Variants in DNAH14 observed in about 807,000 individuals in gnomAD.
The protein encoded by DNAH14 is axonemal beta dynein heavy chain 14.
In DNAH14, 478 loss-of-function variants were observed where a neutral mutation model predicts 520.9. The ratio of observed to expected loss-of-function variants is 0.92; its 90% CI spans 0.85 to 0.99. The LOEUF (loss-of-function observed/expected upper bound fraction) is 0.99. Ranked by LOEUF, DNAH14 falls within the 50% of genes least tolerant of loss-of-function variation. The probability of loss-of-function intolerance (pLI) is 0.00; values close to 1 mark genes in which losing one functional copy is unlikely to be tolerated. For synonymous variants in DNAH14, 1,581 were observed against 1,757.2 expected (o/e 0.90, Z 2.51); for missense variants, 4,831 against 5,234.5 (o/e 0.92, Z 2.38).
intron 54 of DNAH14, among the ~76,000 whole-genome samples, chr1:225,279,738 T>C (rs1359012184): frequency 1.3e-5 from 2 of 152,002 alleles, no homozygotes; most frequent in African/African-American, 4.8e-5. Context: ...AAATGTTCAG[T>C]TTTTAACAAA....
chr1:225,265,506 A>G (rs1348820114), intron 48 of DNAH14, 137 bp downstream of exon 48: 41 of 662,198 alleles, frequency 6.2e-5, no homozygotes, highest in Non-Finnish European at 1.2e-5. Context: ...AATGTATAAC[A>G]GAAACTTTGA....
chr1:225,016,431 A>G (rs1444140184), intron 10 of DNAH14, among the ~76,000 whole-genome samples: 1 of 152,134 alleles, frequency 6.6e-6, no homozygotes, highest in African/African-American at 2.4e-5. Flanking sequence ...ATCTAATGGA[A>G]ATTCCCTTAT....
chr1:225,272,933 G>A (rs1341958836), intron 51 of DNAH14, 22 bp from the exon 52 acceptor site: 19 of 1,499,428 alleles, frequency 1.3e-5, no homozygotes, highest in Non-Finnish European at 1.7e-5. Flanking sequence ...TTAAAAAAAC[G>A]TTATTTTTAA....
At chr1:225,110,514 T>C (rs1476667666) in intron 23 of DNAH14, among the ~76,000 whole-genome samples, 3 of 152,056 alleles carry the variant, frequency 2.0e-5, no homozygotes, top group Non-Finnish European at 4.4e-5. Context: ...GTGGTACTGG[T>C]TGTCATGTCT....
At chr1:225,351,584 A>G in intron 71 of DNAH14, 63 bp from the exon 72 acceptor site, 1 of 1,206,282 alleles carries the variant, frequency 8.3e-7, no homozygotes, top group Non-Finnish European at 1.1e-6. Context: ...TCTACTTTGT[A>G]ATGAATAACT....
chr1:225,272,879 C>CA, intron 51 of DNAH14, 76 bp from the exon 52 acceptor site: 1 of 1,375,764 alleles, frequency 7.3e-7, no homozygotes, highest in Non-Finnish European at 9.6e-7. Context: ...CATAAACCTG[C>CA]AAAAATTGAG....
intron 17 of DNAH14, among the ~76,000 whole-genome samples, chr1:225,071,608 A>G (rs1178179123): frequency 6.6e-6 from 1 of 152,070 alleles, no homozygotes; most frequent in East Asian, 1.9e-4. Context: ...TGCCTGTATG[A>G]GTTCATTCTC....
At chr1:224,993,287 A>G (rs974526936) in intron 8 of DNAH14, among the ~76,000 whole-genome samples, 3 of 151,998 alleles carry the variant, frequency 2.0e-5, no homozygotes, top group Non-Finnish European at 4.4e-5. Flanking sequence ...GTATTAGTTC[A>G]TAAAATTTTT....
Position 225,300,897 on chromosome 1 carries a change from T to C in DNAH14, c.8498T>C (p.Ile2833Thr). The change falls in exon 56 of 86, where the codon ATC becomes ACC. Residue 2833 changes from isoleucine to threonine, a missense_variant. Ile to Thr is a moderately conservative substitution (Grantham distance 89, BLOSUM62 -1). Transcript: ENST00000682510. The stretch of plus-strand genomic sequence containing the variant: ...TCATTTTTAGAAGATTTGAACTACA[T>C]CATCAGTTCAGGAAGAATACCTGAC... ...QDSFLEDLNY[I>T]ISSGRIPDLF... 3 of 1,550,738 alleles carry C rather than the reference T, an allele frequency of 1.9e-6. No homozygotes were observed. The highest frequency in any genetic ancestry group is 2.6e-6 in the Non-Finnish European group (3 of 1,146,768).
chr1:225,082,666 C>T lies in DNAH14; in HGVS notation c.3254C>T (p.Ala1085Val). ...TGTCTCAAGCCAAGGCATTGGGAGG[C>T]TCTCCAGGAGATTATTGGGAAGTCA... Reference protein sequence around the residue: ...NPCLKPRHWEALQEIIGKSVP... With the variant: ...NPCLKPRHWEVLQEIIGKSVP... The change falls in exon 20 of 86, where the codon GCT becomes GTT. Residue 1085 changes from alanine to valine, a missense_variant. Ala to Val is a moderately conservative substitution (Grantham distance 64). Coordinates refer to ENST00000682510, the MANE Select transcript of DNAH14 (RefSeq NM_001367479.1). The T allele has an allele frequency of 6.4e-7, 1 of 1,551,478 alleles. No homozygotes were observed. The highest frequency in any genetic ancestry group is 8.7e-7 in the Non-Finnish European group (1 of 1,146,910).
At chr1:225,394,035 T>C (rs1220568002) in intron 84 of DNAH14, among the ~76,000 whole-genome samples, 1 of 152,150 alleles carries the variant, frequency 6.6e-6, no homozygotes, top group East Asian at 1.9e-4. Context: ...TTAGCCAGGA[T>C]GGTCTCGATC....
rs370790412 is a variant in DNAH14, at chr1:225,309,824, C to T, written c.9240+1414C>T. Among the ~76,000 whole-genome samples, 8 of 152,064 alleles carry T rather than the reference C, an allele frequency of 5.3e-5. No individual in the cohort carries two copies. In the East Asian group the frequency reaches 1.2e-3, roughly 22 times the overall value. ...AGGACAATCACTTGAACCTAGGAGG[C>T]GGAGATTGCAGTGAGCCAAGATGGC... is the stretch of plus-strand genomic sequence containing the variant. On this transcript the variant is annotated intron_variant, in intron 60 of 85. Transcript: ENST00000682510.
Position 225,343,678 on chromosome 1 carries a change from T to C in DNAH14, c.10679-2284T>C, listed in dbSNP as rs139293854. ...CACATTTATGCCTAGAGGACCTGAC[T>C]TTATTCCTTTTCAATGTTAATTATA... On this transcript the variant is annotated intron_variant, in intron 69 of 85. Transcript: ENST00000682510. Among the ~76,000 whole-genome samples the C allele has an allele frequency of 7.2e-5, 11 of 152,322 alleles. No homozygotes were observed. The East Asian group carries it at 1.2e-3, about 16-fold the overall frequency.
chr1:225,110,188 C>T (rs552472036), intron 23 of DNAH14, among the ~76,000 whole-genome samples: 20 of 151,982 alleles, frequency 1.3e-4, no homozygotes, highest in Middle Eastern at 3.4e-3. Flanking sequence ...AGGGTAATAC[C>T]GGCATCACAG....
intron 36 of DNAH14, among the ~76,000 whole-genome samples, chr1:225,184,659 A>G (rs2084454389): frequency 6.6e-6 from 1 of 152,060 alleles, no homozygotes; most frequent in African/African-American, 2.4e-5. Context: ...TGATTGTCTC[A>G]GTAGATGCAG....
At chr1:225,337,169 A>C (rs763894908) in intron 66 of DNAH14, 97 bp from the exon 67 acceptor site, 2 of 992,006 alleles carry the variant, frequency 2.0e-6, no homozygotes, top group Non-Finnish European at 3.0e-6. Flanking sequence ...TCTTTTTCTA[A>C]AGGCAGTGAT....
chr1:225,004,553 A>C (rs751897092), intron 9 of DNAH14, among the ~76,000 whole-genome samples: 2 of 152,206 alleles, frequency 1.3e-5, no homozygotes, highest in Non-Finnish European at 2.9e-5. Context: ...ATGTCAGGCC[A>C]AGAATAACAC....
chr1:224,954,878 T>C (rs905408355), intron 2 of DNAH14, 81 bp from the exon 3 acceptor site: 88 of 1,084,592 alleles, frequency 8.1e-5, no homozygotes, highest in Admixed American at 1.3e-4. Context: ...ATGTGAAATT[T>C]TGGTAATATG....
At chr1:225,371,684 A>C (rs913820269) in intron 77 of DNAH14, among the ~76,000 whole-genome samples, 1 of 152,198 alleles carries the variant, frequency 6.6e-6, no homozygotes, top group African/African-American at 2.4e-5. Context: ...CTAGTAAAAC[A>C]AAATCTAGTA....
Sources: gnomAD v4.1 joint callset for allele counts (sites outside exome capture counted in the v4.1 genomes callset) on GRCh38, gnomAD v4.1.1 for gene constraint, MANE v1.5 for transcripts, NCBI Gene and HGNC (gene_info 2026-07-23, HGNC 2026-07-21) for gene names.